The following PDE4D variants were observed in gnomAD, a reference collection of about 807,000 sequenced individuals.
The protein encoded by PDE4D is phosphodiesterase 4D.
Under a neutral mutation model 87.4 loss-of-function variants are expected in PDE4D, and 24 were observed. The ratio of observed to expected loss-of-function variants is 0.27; its 90% CI spans 0.20 to 0.39. The LOEUF (loss-of-function observed/expected upper bound fraction) is 0.39, where lower values mean the gene tolerates loss of function less well. Ranked by LOEUF, PDE4D falls within the 10% of genes least tolerant of loss-of-function variation. The pLI, the probability that PDE4D is intolerant of heterozygous loss-of-function variation, is 1.00. For missense variants in PDE4D, 714 were observed against 1,041.0 expected, an observed-to-expected ratio of 0.69 and a Z score of 4.32; for synonymous variants, 384 against 383.2, an observed-to-expected ratio of 1.00 and a Z score of -0.02.
chr5:60,076,283 C>T (rs1029204356), intron 2 of PDE4D, among the ~76,000 whole-genome samples: 2 of 152,060 alleles, frequency 1.3e-5, no homozygotes, highest in Admixed American at 6.6e-5. Flanking sequence ...CTCAGCCTCC[C>T]GAGTAGCTGG....
At chr5:59,327,170 C>CACACACAA in intron 1 of PDE4D, among the ~76,000 whole-genome samples, 1 of 133,864 alleles carries the variant, frequency 7.5e-6, no homozygotes. Context: ...CACACACACA[C>CACACACAA]TCCAGACTGG....
intron 1 of PDE4D, among the ~76,000 whole-genome samples, chr5:59,394,871 C>T (rs1166627202): frequency 4.6e-5 from 7 of 152,016 alleles, no homozygotes; most frequent in Non-Finnish European, 7.4e-5. Flanking sequence ...TCAGTGGGTG[C>T]GCGCACCGTG....
intron 1 of PDE4D, among the ~76,000 whole-genome samples, chr5:59,427,668 T>C (rs866856076): frequency 1.3e-5 from 2 of 151,944 alleles, no homozygotes; most frequent in South Asian, 2.1e-4. Flanking sequence ...ACCCAGTCTC[T>C]CTAAAAACAA....
chr5:59,857,825 T>C lies in PDE4D; in HGVS notation c.455+35343A>G, dbSNP rs891965119. On this transcript the variant is annotated intron_variant, in intron 1 of 14. Transcript: ENST00000340635. ...TCAAATGATAAGAATTGAAGAAATATAAGGGAGAGAGGGAGAAATGGAGGA... is the reference window on the plus strand; with the variant it reads ...TCAAATGATAAGAATTGAAGAAATACAAGGGAGAGAGGGAGAAATGGAGGA... Among the ~76,000 whole-genome samples, 4 of 137,228 alleles carry C rather than the reference T, an allele frequency of 2.9e-5. No individual in the cohort carries two copies. The Admixed American group carries it at 3.4e-4, about 12-fold the overall frequency. 90.0% of individuals were successfully genotyped at this position (137,228 alleles called of 152,430 possible).
At chr5:59,332,392 C>T (rs923469316) in intron 1 of PDE4D, among the ~76,000 whole-genome samples, 1 of 152,078 alleles carries the variant, frequency 6.6e-6, no homozygotes. Context: ...CCCTGGGGTC[C>T]ATTATGAGTG....
intron 2 of PDE4D, among the ~76,000 whole-genome samples, chr5:59,202,261 C>T (rs905993201): frequency 7.2e-5 from 11 of 152,108 alleles, no homozygotes; most frequent in South Asian, 2.1e-4. Flanking sequence ...AGGATGGTCT[C>T]GATCTCCTGA....
In PDE4D at chr5:59,938,059, T is replaced by C. The variant is rs1015083247; in HGVS notation, c.272+50429A>G. 3.3e-5 allele frequency among the ~76,000 whole-genome samples: 5 copies of C among 152,250 alleles called. 1 individual carries two copies. The highest frequency in any genetic ancestry group is 3.3e-4 in the Admixed American group (5 of 15,282). On this transcript the variant is annotated intron_variant, in intron 3 of 16. Coordinates refer to the PDE4D transcript ENST00000502484. ...TTCTATTAGTGGAACTGTAACAGCA[T>C]GACTTTTCCTTTTCCAAAACCAGTA...
At chr5:60,353,185 T>C (rs552308048) in intron 1 of PDE4D, among the ~76,000 whole-genome samples, 4 of 152,310 alleles carry the variant, frequency 2.6e-5, no homozygotes, top group African/African-American at 9.6e-5. Flanking sequence ...CTTGGGTCAC[T>C]GCCAGTTCCA....
chr5:59,975,179 G>T (rs987226180), intron 3 of PDE4D, among the ~76,000 whole-genome samples: 1 of 152,030 alleles, frequency 6.6e-6, no homozygotes, highest in African/African-American at 2.4e-5. Flanking sequence ...ACTGAAAACT[G>T]CCCACCTTTT....
rs531797418 is a variant in PDE4D, at chr5:60,486,502, T to C, written c.-90+1440A>G. Among the ~76,000 whole-genome samples, 6 of 152,324 alleles carry C rather than the reference T, an allele frequency of 3.9e-5. No homozygotes were observed. The East Asian group carries it at 9.6e-4, about 24-fold the overall frequency. The stretch of plus-strand genomic sequence containing the variant: ...CTTTTCTTTCTTTCTACAAACTTCA[T>C]TCATTGGTGTGATCTGAAAGGGGAT... On this transcript the variant is annotated intron_variant, in intron 1 of 16. Coordinates refer to the PDE4D transcript ENST00000502484.
At chr5:60,109,615 T>C (rs1233676014) in intron 2 of PDE4D, among the ~76,000 whole-genome samples, 1 of 152,134 alleles carries the variant, frequency 6.6e-6, no homozygotes, top group Admixed American at 6.6e-5. Flanking sequence ...CCAACCCAAA[T>C]GTCCAACAAT....
intron 1 of PDE4D, among the ~76,000 whole-genome samples, chr5:59,672,195 G>C (rs1199153728): frequency 6.6e-6 from 1 of 152,156 alleles, no homozygotes; most frequent in Non-Finnish European, 1.5e-5. Flanking sequence ...AAAGAGACTA[G>C]ATGGTAAGTT....
chr5:59,056,576 G>T (rs918005872), intron 5 of PDE4D, among the ~76,000 whole-genome samples: 6 of 152,058 alleles, frequency 3.9e-5, no homozygotes, highest in Non-Finnish European at 8.8e-5. Flanking sequence ...TTCGGTATTT[G>T]TACTAATGTT....
rs546430807 is a variant in PDE4D at position 59,927,948 on chromosome 5, CT to C, written c.272+60539del. Among the ~76,000 whole-genome samples, 306 of 152,272 alleles carry C rather than the reference CT, an allele frequency of 2.0e-3. 2 individuals carry two copies. The highest frequency in any genetic ancestry group is 6.9e-3 in the African/African-American group (286 of 41,550). ...AAATGTTATGAGCTGATTTCTTAAA[CT>C]GTATTTCATTTTGTTTATATGCTTG... On this transcript the variant is annotated intron_variant, in intron 3 of 16. Transcript: ENST00000502484.
At chr5:59,540,523 T>C (rs1024443012) in intron 1 of PDE4D, among the ~76,000 whole-genome samples, 2 of 152,164 alleles carry the variant, frequency 1.3e-5, no homozygotes, top group African/African-American at 4.8e-5. Context: ...AAGGTGGCAA[T>C]TAAGCTGGCA....
chr5:60,384,599 C>G (rs1762079102), intron 1 of PDE4D, among the ~76,000 whole-genome samples: 1 of 152,162 alleles, frequency 6.6e-6, no homozygotes, highest in Non-Finnish European at 1.5e-5. Context: ...CTGGCCCTTG[C>G]CTGGTGCTAC....
intron 5 of PDE4D, among the ~76,000 whole-genome samples, chr5:59,094,611 A>G (rs1769355234): frequency 6.6e-6 from 1 of 152,204 alleles, no homozygotes; most frequent in Non-Finnish European, 1.5e-5. Context: ...ACTTCAGTAA[A>G]GAAAAGAAGG....
chr5:59,386,035 T>A (rs1173749337), intron 1 of PDE4D, among the ~76,000 whole-genome samples: 1 of 152,134 alleles, frequency 6.6e-6, no homozygotes, highest in Non-Finnish European at 1.5e-5. Flanking sequence ...GGTGTGCGGG[T>A]AGAAACAGGA....
chr5:59,522,668 T>C (rs113506824), intron 1 of PDE4D, among the ~76,000 whole-genome samples: 1,637 of 152,314 alleles, frequency 0.011, 9 homozygotes, highest in Non-Finnish European at 0.019. Flanking sequence ...CAAAGAATCT[T>C]GAGGAGTAAA....
Sources: gnomAD v4.1 joint callset for allele counts (sites outside exome capture counted in the v4.1 genomes callset) on GRCh38, gnomAD v4.1.1 for gene constraint, MANE v1.5 for transcripts, NCBI Gene and HGNC (gene_info 2026-07-23, HGNC 2026-07-21) for gene names.